The following SCIMP variants were observed in gnomAD, a reference collection of about 807,000 sequenced individuals.
SCIMP encodes SLP adaptor and CSK interacting membrane protein.
In SCIMP, 18 loss-of-function variants were observed where a neutral mutation model predicts 22.0. The ratio of observed to expected loss-of-function variants is 0.82; its 90% CI spans 0.56 to 1.21. The LOEUF (loss-of-function observed/expected upper bound fraction) is 1.21, where lower values mean the gene tolerates loss of function less well. Ranked by LOEUF, SCIMP falls within the 50% of genes most tolerant of loss-of-function variation. The pLI is 0.00. For synonymous variants in SCIMP, 53 were observed against 62.2 expected (o/e 0.85, Z 0.70); for missense variants, 155 against 171.2 (o/e 0.91, Z 0.53).
intron 3 of SCIMP, among the ~76,000 whole-genome samples, chr17:5,220,079 G>A (rs1202077976): frequency 1.3e-5 from 2 of 152,146 alleles, no homozygotes; most frequent in Non-Finnish European, 2.9e-5. Flanking sequence ...GAATTCTCAA[G>A]CCTAAGAGTG....
Position 5,225,986 on chromosome 17 carries a change from G to A in SCIMP, c.22-2530C>T, listed in dbSNP as rs564338276. ...TGGTGTTCACTGCTTGGTGTGTGGC[G>A]GAAAAACCCTCACACATTTGGTCAC... On this transcript the variant is annotated intron_variant, in intron 1 of 4. Transcript: ENST00000574081. Among the ~76,000 whole-genome samples the A allele has an allele frequency of 5.3e-5, 8 of 152,138 alleles. No individual in the cohort carries two copies. The East Asian group carries it at 7.7e-4, about 15-fold the overall frequency.
chr17:5,225,176 A>C (rs900260172), intron 1 of SCIMP, among the ~76,000 whole-genome samples: 2 of 152,228 alleles, frequency 1.3e-5, no homozygotes, highest in African/African-American at 4.8e-5. Flanking sequence ...ATAAAACTGC[A>C]TAACACGGCC....
In SCIMP at chr17:5,234,835, G is replaced by T; in HGVS notation, c.-80C>A. The T allele has an allele frequency of 6.4e-7, 1 of 1,563,918 alleles. No homozygotes were observed. On this transcript the variant is annotated 5_prime_UTR_variant, in exon 1 of 5. The change creates a new upstream start codon in the 5' untranslated region. Coordinates refer to ENST00000574081, the MANE Select transcript of SCIMP (RefSeq NM_207103.3). ...TGGTGAGAGGCATTCCTCACTCACAGGCCTTCACCCACTGCTAGAGACAGT... is the reference window on the plus strand; with the variant it reads ...TGGTGAGAGGCATTCCTCACTCACATGCCTTCACCCACTGCTAGAGACAGT...
At chr17:5,234,459 A>C (rs2074728640) in intron 1 of SCIMP, 2 of 511,332 alleles carry the variant, frequency 3.9e-6, no homozygotes, top group Non-Finnish European at 3.5e-6. Flanking sequence ...TCAATCCAAG[A>C]GGTAGACTTC....
At chr17:5,229,171 A>G (rs2074674403) in intron 1 of SCIMP, among the ~76,000 whole-genome samples, 1 of 151,956 alleles carries the variant, frequency 6.6e-6, no homozygotes, top group East Asian at 1.9e-4. Flanking sequence ...TTTTCAAGGA[A>G]CATGAGTGAG....
At chr17:5,219,330 A>C (rs574106843) in intron 3 of SCIMP, among the ~76,000 whole-genome samples, 3 of 150,534 alleles carry the variant, frequency 2.0e-5, no homozygotes, top group African/African-American at 7.3e-5. Context: ...ACAACAACAA[A>C]AAAAGTGTCT....
chr17:5,212,805 G>A (rs2074535309), intron 4 of SCIMP, among the ~76,000 whole-genome samples: 1 of 152,178 alleles, frequency 6.6e-6, no homozygotes, highest in Non-Finnish European at 1.5e-5. Context: ...TATCGACTGA[G>A]CCTCACGCCC....
At position 5,225,869 on chromosome 17, in the gene SCIMP, G is replaced by A. The variant is rs115269124; in HGVS notation, c.22-2413C>T. ...CCCGGACTTGCGACTGACGTCTGGG[G>A]AGTTGGGGGCAGCAGTCTTGGGAAC... is the stretch of plus-strand genomic sequence containing the variant. On this transcript the variant is annotated intron_variant, in intron 1 of 4. Transcript: ENST00000574081. Among the ~76,000 whole-genome samples, 1,138 of 152,238 alleles carry A rather than the reference G, an allele frequency of 7.5e-3. 13 individuals carry two copies. The highest frequency in any genetic ancestry group is 0.026 in the African/African-American group (1,094 of 41,552).
intron 4 of SCIMP, chr17:5,213,723 C>G (rs573427852): frequency 6.6e-6 from 1 of 152,222 alleles, no homozygotes; most frequent in African/African-American, 2.4e-5. Context: ...TGGTGCACGC[C>G]TATAATCCCA....
chr17:5,212,559 G>A (rs1382995787), intron 4 of SCIMP, among the ~76,000 whole-genome samples: 2 of 152,022 alleles, frequency 1.3e-5, no homozygotes, highest in African/African-American at 4.8e-5. Context: ...GCATGAACTC[G>A]GGAGGTGGAG....
chr17:5,234,228 G>A (rs1329012787), intron 1 of SCIMP, among the ~76,000 whole-genome samples: 2 of 152,008 alleles, frequency 1.3e-5, no homozygotes, highest in Non-Finnish European at 2.9e-5. Context: ...CCGAGATCAC[G>A]TCACTGCACT....
intron 3 of SCIMP, chr17:5,215,337 G>T: frequency 5.2e-6 from 1 of 193,560 alleles, no homozygotes; most frequent in Non-Finnish European, 1.1e-5. Context: ...GATGAGCCGG[G>T]CATGGTGGCG....
In SCIMP at chr17:5,222,250, C is replaced by T. The variant is rs148807554; in HGVS notation, c.146-900G>A. Among the ~76,000 whole-genome samples the T allele has an allele frequency of 9.1e-3, 1,385 of 151,950 alleles. 16 individuals are homozygous for T. Among genetic ancestry groups the T allele is most frequent in the Middle Eastern group, 0.017 (5 of 292 alleles). On this transcript the variant is annotated intron_variant, in intron 2 of 4. Transcript: ENST00000574081. ...GACTACAGGCGCCTGCCACCACGCCCGGCTAATTTTTTTTGTATTTTAAGT... is the reference window on the plus strand; with the variant it reads ...GACTACAGGCGCCTGCCACCACGCCTGGCTAATTTTTTTTGTATTTTAAGT...
At chr17:5,221,057 C>CAAA (rs137985713) in intron 3 of SCIMP, 188 of 525,750 alleles carry the variant, frequency 3.6e-4, no homozygotes, top group Non-Finnish European at 4.8e-4. Context: ...GACTCCATCT[C>CAAA]AAAAAAAAAA....
intron 2 of SCIMP, 56 bp downstream of exon 2, chr17:5,223,277 T>C: frequency 6.2e-7 from 1 of 1,602,284 alleles, no homozygotes; most frequent in Non-Finnish European, 8.5e-7. Context: ...GGAGCTCTAC[T>C]GCACCGATAA....
At chr17:5,228,984 C>T (rs926436899) in intron 1 of SCIMP, among the ~76,000 whole-genome samples, 5 of 152,156 alleles carry the variant, frequency 3.3e-5, no homozygotes, top group Admixed American at 3.3e-4. Flanking sequence ...CTGTGCTGTG[C>T]AGTCTAATTC....
Position 5,210,463 on chromosome 17 carries a change from G to A in SCIMP, c.*338C>T. The A allele has an allele frequency of 4.5e-6, 1 of 220,594 alleles. No individual in the cohort carries two copies. Among genetic ancestry groups the A allele is most frequent in the Admixed American group, 5.2e-5 (1 of 19,274 alleles). The allele number at this position is 220,594 out of a possible 1,614,324, so 13.7% of individuals were successfully genotyped here. ...CACTCAGAACCATGCAAACCAAAGG[G>A]AATGAAGGGGGAAAGAATGCCAAGA... is the stretch of plus-strand genomic sequence containing the variant. On this transcript the variant is annotated 3_prime_UTR_variant, in exon 5 of 5. Transcript: ENST00000574081.
rs2074512274 is a variant in SCIMP, at chr17:5,209,554, T to G, written c.*1247A>C. On this transcript the variant is annotated 3_prime_UTR_variant, in exon 5 of 5. Transcript: ENST00000574081. The stretch of plus-strand genomic sequence containing the variant: ...CTCTTGAGGGAAATCTGAGTCACTC[T>G]CAGGCCTTTCCAGGTTCACAGTGCT... 6.6e-6 allele frequency: 1 copy of G among 152,196 alleles called. No homozygotes were observed. Among genetic ancestry groups the G allele is most frequent in the Non-Finnish European group, 1.5e-5 (1 of 68,048 alleles). The allele number at this position is 152,196 out of a possible 1,614,324, so 9.4% of individuals were successfully genotyped here. A position where few individuals can be genotyped will look rare whatever the true frequency, so the allele number is the denominator to read the frequency against.
At chr17:5,215,193 G>A in intron 3 of SCIMP, 195 bp from the exon 4 acceptor site, 2 of 531,092 alleles carry the variant, frequency 3.8e-6, no homozygotes, top group Non-Finnish European at 6.7e-6. Context: ...ACCGTTTTCT[G>A]TAGCCCTGGA....
Sources: gnomAD v4.1 joint callset for allele counts (sites outside exome capture counted in the v4.1 genomes callset) on GRCh38, gnomAD v4.1.1 for gene constraint, MANE v1.5 for transcripts, NCBI Gene and HGNC (gene_info 2026-07-23, HGNC 2026-07-21) for gene names.